HIBCH: variants seen among roughly 807,000 people sequenced by gnomAD.
HIBCH encodes 3-hydroxyisobutyryl-CoA hydrolase.
HIBCH carries 50 observed loss-of-function variants against 58.2 expected under a neutral mutation model. That is an observed-to-expected ratio of 0.86 (90% CI 0.68 to 1.09). The LOEUF (loss-of-function observed/expected upper bound fraction) is 1.09. HIBCH is among the 50% of genes least tolerant of loss of function. The pLI is 0.00. For missense variants in HIBCH, 450 were observed against 449.7 expected (o/e 1.00, Z -0.01); for synonymous variants, 151 against 146.9 (o/e 1.03, Z -0.20).
intron 2 of HIBCH, among the ~76,000 whole-genome samples, chr2:190,298,195 A>G (rs1468063074): frequency 6.6e-6 from 1 of 152,128 alleles, no homozygotes; most frequent in Non-Finnish European, 1.5e-5. Context: ...TTGCTATTGT[A>G]AATAGTGCTG....
At chr2:190,311,157 A>T (rs973540279) in intron 1 of HIBCH, 12 of 405,976 alleles carry the variant, frequency 3.0e-5, no homozygotes, top group African/African-American at 6.2e-5. Flanking sequence ...ATGCATACAT[A>T]CTACTAAGCA....
intron 7 of HIBCH, 77 bp downstream of exon 7, chr2:190,261,079 C>T (rs1687075046): frequency 6.4e-6 from 7 of 1,086,314 alleles, no homozygotes; most frequent in Non-Finnish European, 9.9e-6. Flanking sequence ...TCAATTCCTT[C>T]AACAACAGTA....
intron 11 of HIBCH, among the ~76,000 whole-genome samples, chr2:190,235,305 G>A (rs1686237416): frequency 6.6e-6 from 1 of 152,190 alleles, no homozygotes; most frequent in Non-Finnish European, 1.5e-5. Flanking sequence ...CTTGGGACAT[G>A]ACTGCCCTCA....
intron 11 of HIBCH, among the ~76,000 whole-genome samples, chr2:190,219,382 G>GA (rs1387689371): frequency 2.0e-5 from 3 of 152,126 alleles, no homozygotes; most frequent in Non-Finnish European, 2.9e-5. Flanking sequence ...GCAAACCACA[G>GA]AAAAAACAGG....
chr2:190,268,911 C>T (rs1425887294), intron 6 of HIBCH, among the ~76,000 whole-genome samples: 1 of 151,970 alleles, frequency 6.6e-6, no homozygotes, highest in Non-Finnish European at 1.5e-5. Flanking sequence ...AGGACAGAGC[C>T]CTCAGAAATA....
At chr2:190,313,750 C>A (rs1055236401) in intron 1 of HIBCH, among the ~76,000 whole-genome samples, 9 of 151,766 alleles carry the variant, frequency 5.9e-5, no homozygotes, top group African/African-American at 2.2e-4. Context: ...GGGGCACAGG[C>A]ACAGATACTT....
chr2:190,269,858 G>A (rs1019481498), intron 6 of HIBCH, among the ~76,000 whole-genome samples: 45 of 152,158 alleles, frequency 3.0e-4, no homozygotes, highest in African/African-American at 9.9e-4. Context: ...TAAAGAAAAT[G>A]TGGCACATAC....
At chr2:190,250,588 T>C (rs1025602940) in intron 8 of HIBCH, 3 of 230,202 alleles carry the variant, frequency 1.3e-5, no homozygotes, top group African/African-American at 6.8e-5. Context: ...ATCAAGGGTG[T>C]CCCTTCCAGA....
intron 7 of HIBCH, among the ~76,000 whole-genome samples, 171 bp downstream of exon 7, chr2:190,260,985 T>C (rs1407122036): frequency 6.6e-6 from 1 of 152,232 alleles, no homozygotes; most frequent in Non-Finnish European, 1.5e-5. Context: ...ATATAATCAT[T>C]GAGCTAATAT....
chr2:190,258,138 G>A (rs571559031), intron 7 of HIBCH, among the ~76,000 whole-genome samples: 1 of 152,168 alleles, frequency 6.6e-6, no homozygotes, highest in South Asian at 2.1e-4. Flanking sequence ...TAATGAGTGA[G>A]TTCTCATGAT....
In HIBCH at chr2:190,239,991, T is replaced by A. The variant is rs549885958; in HGVS notation, c.891+4896A>T. Reference sequence around the variant, plus strand: ...TTGTTGTGTCTCTGCCAGGTTTTGGTATCAGGATGAGGCTGGCCTCATAAA... The same window carrying A: ...TTGTTGTGTCTCTGCCAGGTTTTGGAATCAGGATGAGGCTGGCCTCATAAA... On this transcript the variant is annotated intron_variant, in intron 11 of 13. Transcript: ENST00000359678. 2.0e-4 allele frequency among the ~76,000 whole-genome samples: 30 copies of A among 152,270 alleles called. No homozygotes were observed. In the South Asian group the frequency reaches 2.3e-3, roughly 12 times the overall value.
chr2:190,319,435 G>T (rs1365910198), intron 1 of HIBCH, among the ~76,000 whole-genome samples: 1 of 152,160 alleles, frequency 6.6e-6, no homozygotes, highest in African/African-American at 2.4e-5. Context: ...AGAAAGGAAA[G>T]AAACTGAGGC....
At position 190,236,526 on chromosome 2, in the gene HIBCH, A is replaced by C. The variant is rs1026156744; in HGVS notation, c.891+8361T>G. Among the ~76,000 whole-genome samples the C allele has an allele frequency of 1.3e-5, 2 of 152,314 alleles. No homozygotes were observed. The highest frequency in any genetic ancestry group is 4.8e-5 in the African/African-American group (2 of 41,572). ...CTGACAATAAACCAATACAAATACA[A>C]AATATTTAAAACAAGAACAAGTCAA... On this transcript the variant is annotated intron_variant, in intron 11 of 13. Coordinates refer to ENST00000359678, the MANE Select transcript of HIBCH (RefSeq NM_014362.4). The surrounding 1 kb of genome is among the most constrained non-coding windows in gnomAD (Gnocchi z 4.1).
At position 190,309,148 on chromosome 2, in the gene HIBCH, C is replaced by T. The variant is rs190201950; in HGVS notation, c.78+1606G>A. Among the ~76,000 whole-genome samples the T allele has an allele frequency of 2.1e-3, 325 of 152,084 alleles. 3 individuals are homozygous for T. The highest frequency in any genetic ancestry group is 6.8e-3 in the African/African-American group (282 of 41,520). On this transcript the variant is annotated intron_variant, in intron 2 of 13. Coordinates refer to ENST00000359678, the MANE Select transcript of HIBCH (RefSeq NM_014362.4). ...ATAAAGGGTTTTTATATTTATGCAC[C>T]AAACCATAAGTGTTTACACTAGTTA...
At chr2:190,275,196 G>T (rs1687514742) in intron 6 of HIBCH, among the ~76,000 whole-genome samples, 1 of 152,116 alleles carries the variant, frequency 6.6e-6, no homozygotes, top group African/African-American at 2.4e-5. Context: ...TGGAAAAAAA[G>T]GAAGACTAGG....
In HIBCH at chr2:190,315,105, G is replaced by A. The variant is rs1347398821; in HGVS notation, c.36-4309C>T. Among the ~76,000 whole-genome samples the A allele has an allele frequency of 1.3e-5, 2 of 151,910 alleles. No individual in the cohort carries two copies. The highest frequency in any genetic ancestry group is 2.9e-5 in the Non-Finnish European group (2 of 67,990). ...TGGGACTACAGGTGCCTGCCACCAT[G>A]CCCGGCTAATTTTTTGTATTTTTAG... On this transcript the variant is annotated intron_variant, in intron 1 of 13. Coordinates refer to ENST00000359678, the MANE Select transcript of HIBCH (RefSeq NM_014362.4). This position sits in a 1 kb window ranked among gnomAD's most constrained non-coding sequence, Gnocchi z 5.4.
chr2:190,248,775 C>T (rs1182591029), intron 9 of HIBCH, among the ~76,000 whole-genome samples: 2 of 151,780 alleles, frequency 1.3e-5, no homozygotes, highest in East Asian at 1.9e-4. Flanking sequence ...GCACGAGAAT[C>T]GCTTGAACCT....
Position 190,290,501 on chromosome 2 carries a change from T to G in HIBCH, c.305-16A>C, listed in dbSNP as rs1253257943. On this transcript the variant is annotated splice_polypyrimidine_tract_variant and intron_variant, in intron 4 of 13. Coordinates refer to ENST00000359678, the MANE Select transcript of HIBCH (RefSeq NM_014362.4). ...TCCGAGATCACTAGGAAGGAAAGATTACAAATAAAAAAAAAAAGATTTAAT... is the reference window on the plus strand; with the variant it reads ...TCCGAGATCACTAGGAAGGAAAGATGACAAATAAAAAAAAAAAGATTTAAT... The G allele has an allele frequency of 6.5e-7, 1 of 1,537,600 alleles. No homozygotes were observed.
chr2:190,317,993 T>C (rs540798961), intron 1 of HIBCH, among the ~76,000 whole-genome samples: 1 of 151,718 alleles, frequency 6.6e-6, no homozygotes, highest in African/African-American at 2.4e-5. Context: ...CCAGCTAATT[T>C]TTTTGTATTT....
Sources: allele counts gnomAD v4.1 joint callset (sites outside exome capture counted in the v4.1 genomes callset), GRCh38; gene constraint gnomAD v4.1.1; non-coding constraint Gnocchi (gnomAD v3.1); transcripts MANE v1.5; gene names NCBI Gene and HGNC (gene_info 2026-07-23, HGNC 2026-07-21).